Variants in PGGT1B observed in about 807,000 individuals in gnomAD.
PGGT1B encodes geranylgeranyl transferase type-1 subunit beta.
Under a neutral mutation model 46.1 loss-of-function variants are expected in PGGT1B, and 30 were observed. That is an observed-to-expected ratio of 0.65 (90% CI 0.49 to 0.88). The LOEUF (loss-of-function observed/expected upper bound fraction) is 0.88. PGGT1B is among the 40% of genes least tolerant of loss of function. The probability of loss-of-function intolerance (pLI) is 0.00; values close to 1 mark genes in which losing one functional copy is unlikely to be tolerated. For missense variants in PGGT1B, 376 were observed against 455.9 expected, an observed-to-expected ratio of 0.82 and a Z score of 1.60; for synonymous variants, 170 against 160.0, an observed-to-expected ratio of 1.06 and a Z score of -0.47.
rs1275667434 is a variant in PGGT1B at position 115,262,763 on chromosome 5, T to G, written c.89A>C (p.Gln30Pro). The G allele has an allele frequency of 6.2e-7, 1 of 1,613,478 alleles. No homozygotes were observed. Among genetic ancestry groups the G allele is most frequent in the Admixed American group, 1.7e-5 (1 of 59,996 alleles). The change falls in exon 1 of 9, where the codon CAG (glutamine) becomes CCG (proline). Residue 30 changes from glutamine (Q) to proline (P), a missense_variant. Physicochemically the swap from Gln to Pro is moderately conservative, Grantham distance 76. Transcript: ENST00000419445. Reference protein sequence around the residue: ...FLRDRHVRFFQRCLQVLPERY... With the variant: ...FLRDRHVRFFPRCLQVLPERY... ...CTCCGGCAAAACCTGGAGGCAGCGC[T>G]GGAAAAATCGCACGTGCCGATCCCG...
intron 2 of PGGT1B, among the ~76,000 whole-genome samples, chr5:115,244,954 C>T (rs572350520): frequency 6.6e-6 from 1 of 152,106 alleles, no homozygotes; most frequent in East Asian, 1.9e-4. Context: ...TATCAAAAGG[C>T]GTATTTTCCT....
chr5:115,220,604 C>T (rs538497919), intron 7 of PGGT1B, among the ~76,000 whole-genome samples: 3 of 151,818 alleles, frequency 2.0e-5, no homozygotes, highest in African/African-American at 4.8e-5. Flanking sequence ...GTATAATGTG[C>T]TATGTATATT....
chr5:115,246,868 G>C (rs980075002), intron 2 of PGGT1B, among the ~76,000 whole-genome samples: 1 of 152,156 alleles, frequency 6.6e-6, no homozygotes, highest in African/African-American at 2.4e-5. Flanking sequence ...ACTTTAGATA[G>C]CACTATATCA....
rs552425788 is a variant in PGGT1B, at chr5:115,219,653, A to C, written c.843+2171T>G. Among the ~76,000 whole-genome samples, 128 of 152,014 alleles carry C rather than the reference A, an allele frequency of 8.4e-4. 1 individual carries two copies. The Middle Eastern group carries it at 0.014, about 16-fold the overall frequency. On this transcript the variant is annotated intron_variant, in intron 7 of 8. Transcript: ENST00000419445. The stretch of plus-strand genomic sequence containing the variant: ...TAAAGGACACCATCAACAGAGTAAA[A>C]AGGCAACTCAAGGAATGAGAAAATA...
intron 2 of PGGT1B, among the ~76,000 whole-genome samples, chr5:115,247,613 T>TACA (rs1469323838): frequency 2.0e-5 from 3 of 152,124 alleles, no homozygotes; most frequent in African/African-American, 7.2e-5. Context: ...AGACATGCCT[T>TACA]ACACAACTCC....
Position 115,212,418 on chromosome 5 carries a change from A to G in PGGT1B, c.1118T>C (p.Val373Ala). 1.3e-6 allele frequency: 2 copies of G among 1,535,620 alleles called. No individual in the cohort carries two copies. The highest frequency in any genetic ancestry group is 1.8e-6 in the Non-Finnish European group (2 of 1,124,048). The change falls in exon 9 of 9, where the codon GTA becomes GCA. Residue 373 changes from valine to alanine, a missense_variant. By Grantham distance (64) the Val-to-Ala change is moderately conservative (BLOSUM62 0). This residue lies in a region of PGGT1B where 222 missense variants were observed against 313.6 expected (regional missense o/e 0.71). Transcript: ENST00000419445. Reference protein sequence around the residue: ...TKDSKQCSENVHIST With the variant: ...TKDSKQCSENAHIST ...TAAAATCAGTCATGTGGAGATATGT[A>G]CATTCTCTGAGCATTGTTTAGAGTC...
At chr5:115,234,342 G>C (rs981406738) in intron 5 of PGGT1B, among the ~76,000 whole-genome samples, 7 of 151,914 alleles carry the variant, frequency 4.6e-5, no homozygotes, top group Non-Finnish European at 8.8e-5. Context: ...GTTACCTACA[G>C]GGTGACAGGG....
At chr5:115,238,553 G>A (rs2900092) in intron 3 of PGGT1B, among the ~76,000 whole-genome samples, 1 of 151,370 alleles carries the variant, frequency 6.6e-6, no homozygotes, top group Non-Finnish European at 1.5e-5. Flanking sequence ...TAGCCTTCCA[G>A]AAAAAAAGAT....
intron 1 of PGGT1B, among the ~76,000 whole-genome samples, chr5:115,260,461 T>C (rs1024782065): frequency 2.6e-5 from 4 of 152,098 alleles, no homozygotes; most frequent in African/African-American, 9.7e-5. Context: ...TACTGTTTTG[T>C]CTTAAAGATC....
At chr5:115,218,524 T>C (rs1580745528) in intron 7 of PGGT1B, among the ~76,000 whole-genome samples, 1 of 144,910 alleles carries the variant, frequency 6.9e-6, no homozygotes, top group South Asian at 2.1e-4. Context: ...AACTCTAAAA[T>C]CTAATATTTT....
At position 115,212,249 on chromosome 5, in the gene PGGT1B, C is replaced by A; in HGVS notation, c.*153G>T. 7.2e-7 allele frequency: 1 copy of A among 1,379,998 alleles called. No homozygotes were observed. Among genetic ancestry groups the A allele is most frequent in the East Asian group, 2.6e-5 (1 of 39,180 alleles). 85.5% of individuals were successfully genotyped at this position (1,379,998 alleles called of 1,614,324 possible). A position where few individuals can be genotyped will look rare whatever the true frequency, so the allele number is the denominator to read the frequency against. On this transcript the variant is annotated 3_prime_UTR_variant, in exon 9 of 9. Transcript: ENST00000419445. Reference sequence around the variant, plus strand: ...TTCTTGAAACCCAGTATAAAGATTACTGGCTCAAGACCATATCCCAAAGTG... The same window carrying A: ...TTCTTGAAACCCAGTATAAAGATTAATGGCTCAAGACCATATCCCAAAGTG...
At chr5:115,259,512 A>G (rs1377847002) in intron 1 of PGGT1B, among the ~76,000 whole-genome samples, 6 of 152,066 alleles carry the variant, frequency 3.9e-5, no homozygotes, top group African/African-American at 1.4e-4. Context: ...ACATGGTGAA[A>G]CCGCATCTCT....
At chr5:115,222,653 C>CACATA in intron 6 of PGGT1B, among the ~76,000 whole-genome samples, 1 of 152,282 alleles carries the variant, frequency 6.6e-6, no homozygotes, top group Non-Finnish European at 1.5e-5. Flanking sequence ...ATAAATCATG[C>CACATA]TGCTATAAAG....
At chr5:115,262,151 C>G (rs1748584282) in intron 1 of PGGT1B, among the ~76,000 whole-genome samples, 1 of 152,220 alleles carries the variant, frequency 6.6e-6, no homozygotes, top group South Asian at 2.1e-4. Flanking sequence ...CGCTTAGTCT[C>G]TGCCGCACCA....
At chr5:115,236,062 T>C (rs979296021) in intron 5 of PGGT1B, among the ~76,000 whole-genome samples, 15 of 152,096 alleles carry the variant, frequency 9.9e-5, no homozygotes, top group African/African-American at 3.6e-4. Context: ...CCAGTTTGCG[T>C]GTCAGGACTC....
intron 7 of PGGT1B, among the ~76,000 whole-genome samples, chr5:115,217,620 G>GT: frequency 6.6e-6 from 1 of 151,916 alleles, no homozygotes; most frequent in Admixed American, 6.6e-5. Flanking sequence ...GTAGGTAAGA[G>GT]GGTTCAAGAC....
At chr5:115,248,368 C>T (rs1747946008) in intron 2 of PGGT1B, among the ~76,000 whole-genome samples, 1 of 152,212 alleles carries the variant, frequency 6.6e-6, no homozygotes. Context: ...AGCTGTATTA[C>T]TGTGGACAAA....
At chr5:115,244,068 A>G (rs996088487) in intron 2 of PGGT1B, among the ~76,000 whole-genome samples, 5 of 152,108 alleles carry the variant, frequency 3.3e-5, no homozygotes, top group African/African-American at 2.4e-5. Context: ...GTTGATTAGT[A>G]TAACTTTAAC....
At chr5:115,255,592 C>T (rs182431544) in intron 1 of PGGT1B, among the ~76,000 whole-genome samples, 1 of 152,074 alleles carries the variant, frequency 6.6e-6, no homozygotes, top group Non-Finnish European at 1.5e-5. Flanking sequence ...AAAAAGAAGA[C>T]AGAGACAAAA....
Sources: allele counts gnomAD v4.1 joint callset (sites outside exome capture counted in the v4.1 genomes callset), GRCh38; gene constraint gnomAD v4.1.1; regional missense constraint gnomAD v4.1.1; transcripts MANE v1.5; gene names NCBI Gene and HGNC (gene_info 2026-07-23, HGNC 2026-07-21).